Variants in CDH18 observed in about 807,000 individuals in gnomAD.
CDH18 encodes cadherin-18.
A neutral mutation model predicts 67.9 loss-of-function variants in CDH18; 31 were observed. The ratio of observed to expected loss-of-function variants is 0.46; its 90% CI spans 0.34 to 0.62. The LOEUF is 0.62. Ranked by LOEUF, CDH18 falls within the 20% of genes least tolerant of loss-of-function variation. The pLI is 0.01. For synonymous variants in CDH18, 362 were observed against 347.2 expected, an observed-to-expected ratio of 1.04 and a Z score of -0.48; for missense variants, 890 against 975.5, an observed-to-expected ratio of 0.91 and a Z score of 1.17.
intron 1 of CDH18, among the ~76,000 whole-genome samples, chr5:20,570,360 A>C (rs960975228): frequency 2.6e-5 from 4 of 152,144 alleles, no homozygotes; most frequent in African/African-American, 9.7e-5. Context: ...CATTAAAAAA[A>C]AAATGAAGTA....
intron 2 of CDH18, among the ~76,000 whole-genome samples, chr5:19,897,168 T>C (rs1789437134): frequency 6.6e-6 from 1 of 152,086 alleles, no homozygotes; most frequent in Admixed American, 6.6e-5. Flanking sequence ...GGTGAAATAA[T>C]ATATTTGCCA....
intron 7 of CDH18, among the ~76,000 whole-genome samples, chr5:19,588,373 C>T (rs1041162269): frequency 3.3e-5 from 5 of 151,940 alleles, no homozygotes; most frequent in Non-Finnish European, 5.9e-5. Context: ...TTCATTACCA[C>T]CATATCTGCC....
At chr5:19,842,704 G>C (rs1250809011) in intron 2 of CDH18, among the ~76,000 whole-genome samples, 2 of 152,184 alleles carry the variant, frequency 1.3e-5, no homozygotes, top group African/African-American at 4.8e-5. Context: ...ACAGGAAGAA[G>C]TAGGAACAGT....
intron 5 of CDH18, among the ~76,000 whole-genome samples, chr5:19,618,459 G>A (rs1750184095): frequency 6.6e-6 from 1 of 152,094 alleles, no homozygotes. Flanking sequence ...ACCCACTTTG[G>A]CCTCCCGAAG....
At chr5:20,164,234 G>A (rs982160616) in intron 2 of CDH18, among the ~76,000 whole-genome samples, 2 of 152,104 alleles carry the variant, frequency 1.3e-5, no homozygotes, top group Non-Finnish European at 2.9e-5. Context: ...ATTTGAAAAG[G>A]AGCTAGTTTC....
At chr5:20,072,539 G>A (rs990123424) in intron 2 of CDH18, among the ~76,000 whole-genome samples, 1 of 152,012 alleles carries the variant, frequency 6.6e-6, no homozygotes, top group Middle Eastern at 3.4e-3. Flanking sequence ...AAGAGGGGAG[G>A]TGATGCTATA....
At chr5:20,344,061 G>A (rs112881318) in intron 1 of CDH18, among the ~76,000 whole-genome samples, 5,487 of 152,198 alleles carry the variant, frequency 0.036, 142 homozygotes, top group Middle Eastern at 0.071. Flanking sequence ...AATAGAATGA[G>A]CCATCTCTCA....
intron 5 of CDH18, among the ~76,000 whole-genome samples, chr5:19,691,796 T>C: frequency 6.6e-6 from 1 of 151,826 alleles, no homozygotes; most frequent in South Asian, 2.1e-4. Context: ...GAAATGACCA[T>C]ATTACTAAAA....
At chr5:20,349,387 C>T (rs1022836881) in intron 1 of CDH18, among the ~76,000 whole-genome samples, 2 of 152,094 alleles carry the variant, frequency 1.3e-5, no homozygotes, top group Admixed American at 6.6e-5. Flanking sequence ...ATTGAATACT[C>T]GGGAACCTCT....
rs116226979 is a variant in CDH18, at chr5:19,978,141, T to A, written c.-257+2919A>T. ...GACTGTACAAAATAATTCAATACTA[T>A]TTTAATCATGTTTGGACACAGGAAC... On this transcript the variant is annotated intron_variant, in intron 2 of 12. Transcript: ENST00000382275. Among the ~76,000 whole-genome samples the A allele has an allele frequency of 1.0e-2, 1,520 of 152,244 alleles. 25 individuals are homozygous for A. The highest frequency in any genetic ancestry group is 0.035 in the African/African-American group (1,440 of 41,562).
intron 5 of CDH18, among the ~76,000 whole-genome samples, chr5:19,666,728 G>T (rs1272927409): frequency 6.6e-6 from 1 of 152,034 alleles, no homozygotes; most frequent in Non-Finnish European, 1.5e-5. Flanking sequence ...CATCCAAAGA[G>T]AACTAGGATA....
In CDH18 at chr5:19,807,947, A is replaced by T. The variant is rs181913357; in HGVS notation, c.228+30812T>A. ...TATATAAACAATGTGTAACATAGTGACCGGAACACAGGTCACTGTGCATTT... is the reference window on the plus strand; with the variant it reads ...TATATAAACAATGTGTAACATAGTGTCCGGAACACAGGTCACTGTGCATTT... On this transcript the variant is annotated intron_variant, in intron 3 of 12. Transcript: ENST00000382275. Among the ~76,000 whole-genome samples the T allele has an allele frequency of 1.2e-3, 185 of 152,270 alleles. 1 individual carries two copies. The highest frequency in any genetic ancestry group is 4.2e-3 in the African/African-American group (176 of 41,546).
chr5:19,833,060 A>G (rs1386660331), intron 3 of CDH18, among the ~76,000 whole-genome samples: 4 of 152,252 alleles, frequency 2.6e-5, no homozygotes, highest in African/African-American at 9.6e-5. Flanking sequence ...AATTTTGTGA[A>G]GAATGTCAAT....
chr5:20,551,820 G>T (rs965071199), intron 1 of CDH18, among the ~76,000 whole-genome samples: 2 of 151,346 alleles, frequency 1.3e-5, no homozygotes, highest in Non-Finnish European at 2.9e-5. Flanking sequence ...GTGTAGGTCT[G>T]TAAGTCAGTG....
At chr5:19,814,847 T>TAC (rs200095987) in intron 3 of CDH18, among the ~76,000 whole-genome samples, 6,289 of 127,750 alleles carry the variant, frequency 0.049, 328 homozygotes, top group African/African-American at 0.14. Flanking sequence ...GCAAAATTGT[T>TAC]ACACACACAC....
intron 2 of CDH18, among the ~76,000 whole-genome samples, chr5:19,924,946 G>C (rs1251994832): frequency 6.6e-6 from 1 of 152,104 alleles, no homozygotes; most frequent in African/African-American, 2.4e-5. Context: ...CAGGGATTGG[G>C]GTACCGATGC....
At chr5:19,581,705 T>G (rs572360521) in intron 7 of CDH18, among the ~76,000 whole-genome samples, 2 of 152,048 alleles carry the variant, frequency 1.3e-5, no homozygotes, top group Non-Finnish European at 2.9e-5. Context: ...ATACATAAAA[T>G]TGTCATCTTA....
chr5:19,593,709 T>TCCTCCTCCTCCTCCTCCTCCTCC (rs70950076), intron 6 of CDH18, among the ~76,000 whole-genome samples: 9 of 111,164 alleles, frequency 8.1e-5, no homozygotes, highest in Admixed American at 1.8e-4. Flanking sequence ...CTCCTCCTCC[T>TCCTCCTCCTCCTCCTCCTCCTCC]TCTTCTTCTT....
chr5:19,668,009 TA>T lies in CDH18; in HGVS notation c.643+53337del, dbSNP rs947868841. On this transcript the variant is annotated intron_variant, in intron 5 of 12. Coordinates refer to ENST00000382275, the MANE Select transcript of CDH18 (RefSeq NM_004934.5). ...GTTTAACCAATAATAATAGAACTAA[TA>T]AAAAAACTATAAAAAACTCCTTAAT... is the stretch of plus-strand genomic sequence containing the variant. Among the ~76,000 whole-genome samples the T allele has an allele frequency of 1.2e-4, 18 of 152,082 alleles. No homozygotes were observed. In the East Asian group the frequency reaches 2.3e-3, roughly 20 times the overall value.
Sources: allele counts gnomAD v4.1 joint callset (sites outside exome capture counted in the v4.1 genomes callset), GRCh38; gene constraint gnomAD v4.1.1; transcripts MANE v1.5; gene names NCBI Gene and HGNC (gene_info 2026-07-23, HGNC 2026-07-21).